The following LRP4 variants were observed in gnomAD, a reference collection of about 807,000 sequenced individuals.
LRP4 encodes the protein LDL receptor related protein 4, also known as low-density lipoprotein receptor-related protein 4.
A neutral mutation model predicts 220.3 loss-of-function variants in LRP4; 95 were observed. The observed-to-expected ratio is 0.43, with a 90% CI of 0.37 to 0.51. LRP4 has a LOEUF of 0.51. Ranked by LOEUF, LRP4 falls within the 20% of genes least tolerant of loss-of-function variation. The pLI, the probability that LRP4 is intolerant of heterozygous loss-of-function variation, is 0.00. For synonymous variants in LRP4, 903 were observed against 954.6 expected, an observed-to-expected ratio of 0.95 and a Z score of 1.00; for missense variants, 1,925 against 2,567.0, an observed-to-expected ratio of 0.75 and a Z score of 5.40.
intron 25 of LRP4, among the ~76,000 whole-genome samples, chr11:46,876,189 G>A (rs1165932956): frequency 6.6e-6 from 1 of 152,172 alleles, no homozygotes; most frequent in East Asian, 1.9e-4. Context: ...AATAGGTAAG[G>A]AAGCTGAGAA....
intron 13 of LRP4, among the ~76,000 whole-genome samples, chr11:46,891,511 T>C (rs1941424650): frequency 6.6e-6 from 1 of 151,984 alleles, no homozygotes; most frequent in Admixed American, 6.6e-5. Context: ...AGTTGATACA[T>C]ACTGTAGGAC....
Position 46,890,194 on chromosome 11 carries a change from A to C in LRP4, c.1916-74T>G. 1.2e-6 allele frequency: 2 copies of C among 1,607,164 alleles called. No homozygotes were observed. The highest frequency in any genetic ancestry group is 1.7e-6 in the Non-Finnish European group (2 of 1,173,982). On this transcript the variant is annotated intron_variant, in intron 14 of 37. Coordinates refer to ENST00000378623, the MANE Select transcript of LRP4 (RefSeq NM_002334.4). This position sits in a 1 kb window ranked among gnomAD's most constrained non-coding sequence, Gnocchi z 5.3. ...CCCTGGGCCCAGGCCTGGCAACTACACAAAACCTCTACCAAGGCTCCTGGG... is the reference window on the plus strand; with the variant it reads ...CCCTGGGCCCAGGCCTGGCAACTACCCAAAACCTCTACCAAGGCTCCTGGG...
chr11:46,860,053 G>A (rs1448067937), intron 37 of LRP4, among the ~76,000 whole-genome samples: 1 of 151,730 alleles, frequency 6.6e-6, no homozygotes, highest in African/African-American at 2.4e-5. Context: ...TGGCCAACAT[G>A]GTGAAACCCC....
rs770865989 is a variant in LRP4 at position 46,896,016 on chromosome 11, G to T, written c.1051C>A (p.Pro351Thr). 6.2e-7 allele frequency: 1 copy of T among 1,613,906 alleles called. No homozygotes were observed. Among genetic ancestry groups the T allele is most frequent in the Non-Finnish European group, 8.5e-7 (1 of 1,180,040 alleles). Residue 351 changes from proline to threonine, a missense_variant and splice_region_variant, in exon 10 of 38, where the codon CCC becomes ACC. Coordinates refer to ENST00000378623, the MANE Select transcript of LRP4 (RefSeq NM_002334.4). ...TTGCAGTTCTCCTCACCCGTCCGGG[G>T]CCCTGTGCCAGCCAAGCCAGAGTTG... The part of the protein sequence containing the change: ...SDESPQQNCR[P>T]RTGEENCNVN...
intron 1 of LRP4, among the ~76,000 whole-genome samples, chr11:46,911,034 C>G (rs1362115407): frequency 6.6e-6 from 1 of 152,068 alleles, no homozygotes; most frequent in Non-Finnish European, 1.5e-5. Flanking sequence ...GAGAGAGAAT[C>G]CAGAAACTAA....
At position 46,859,204 on chromosome 11, in the gene LRP4, G is replaced by A. The variant is rs1393617361; in HGVS notation, c.5497C>T (p.Arg1833Trp). The A allele has an allele frequency of 3.7e-6, 6 of 1,614,092 alleles. No homozygotes were observed. The highest frequency in any genetic ancestry group is 4.2e-6 in the Non-Finnish European group (5 of 1,179,998). The change falls in exon 38 of 38, where the codon CGG becomes TGG. Residue 1833 changes from arginine to tryptophan, a missense_variant. By Grantham distance (101) the Arg-to-Trp change is moderately radical. Transcript: ENST00000378623. ...ACATGATCCCGGAGGAGGCCCCCCCGTGAGCTTCGCAGTTGCTTGAGGTCA... is the reference window on the plus strand; with the variant it reads ...ACATGATCCCGGAGGAGGCCCCCCCATGAGCTTCGCAGTTGCTTGAGGTCA... ...WDDLKQLRSS[R>W]GGLLRDHVCM...
rs779649263 is a variant in LRP4, at chr11:46,889,441, G to A, written c.2185C>T (p.Arg729Cys). ...GCACAGGCGTGGCTGCTGATCTTGC[G>A]GAAGCCAGTGGGGCAGGCACAGGTG... ...NYTCACPTGF[R>C]KISSHACAQS... is the part of the protein sequence containing the mutation. The change falls in exon 16 of 38, where the codon CGC becomes TGC. Residue 729 changes from arginine (R) to cysteine (C), a missense_variant. This residue lies in a region of LRP4 where 1,244 missense variants were observed against 1,624.9 expected (regional missense o/e 0.77). Transcript: ENST00000378623. The A allele has an allele frequency of 7.1e-5, 114 of 1,613,992 alleles. No homozygotes were observed. Among genetic ancestry groups the A allele is most frequent in the Middle Eastern group, 1.6e-4 (1 of 6,084 alleles).
chr11:46,895,950 G>A lies in LRP4; in HGVS notation c.1117C>T (p.Arg373Trp), dbSNP rs118009068. 0.021 allele frequency: 34,574 copies of A among 1,613,888 alleles called. 427 individuals carry two copies. The highest frequency in any genetic ancestry group is 0.025 in the Middle Eastern group (154 of 6,062). ...TGGCAGGTACACTGCACTGCCCCCC[G>A]CACCATCTGGCACTTCTGGGCACAG... ...GGCAQKCQMVRGAVQCTCHTG... is the reference protein window; with the variant it reads ...GGCAQKCQMVWGAVQCTCHTG... The change falls in exon 10 of 38, where the codon CGG becomes TGG. Residue 373 changes from arginine (R) to tryptophan (W), a missense_variant. By Grantham distance (101) the Arg-to-Trp change is moderately radical (BLOSUM62 -3). Coordinates refer to ENST00000378623, the MANE Select transcript of LRP4 (RefSeq NM_002334.4).
intron 37 of LRP4, among the ~76,000 whole-genome samples, chr11:46,860,446 T>C (rs1940516681): frequency 6.6e-6 from 1 of 152,088 alleles, no homozygotes; most frequent in African/African-American, 2.4e-5. Flanking sequence ...CCTCTCCCTT[T>C]ATGGCTTCTT....
At chr11:46,912,464 TGTTTAAACTGCCC>T (rs1240343539) in intron 1 of LRP4, among the ~76,000 whole-genome samples, 4 of 152,226 alleles carry the variant, frequency 2.6e-5, no homozygotes, top group Non-Finnish European at 5.9e-5. Flanking sequence ...TGAAACTTAT[TGTTTAAACTGCCC>T]GTGGAAGGAG....
chr11:46,860,840 C>CACGCTG (rs887348488), intron 37 of LRP4: 5 of 323,982 alleles, frequency 1.5e-5, no homozygotes, highest in South Asian at 2.5e-4. Context: ...AATTAAGAGA[C>CACGCTG]ACGCTGGGTA....
intron 34 of LRP4, among the ~76,000 whole-genome samples, chr11:46,866,012 A>G (rs1049289873): frequency 6.6e-6 from 1 of 152,142 alleles, no homozygotes; most frequent in African/African-American, 2.4e-5. Context: ...AACTTTAGGG[A>G]CATTGAGTCT....
In LRP4 at chr11:46,858,864, G is replaced by A; in HGVS notation, c.*119C>T. 3 of 936,450 alleles carry A rather than the reference G, an allele frequency of 3.2e-6. No individual in the cohort carries two copies. Among genetic ancestry groups the A allele is most frequent in the Non-Finnish European group, 3.5e-6 (2 of 574,846 alleles). 58.0% of individuals were successfully genotyped at this position (936,450 alleles called of 1,614,324 possible). On this transcript the variant is annotated 3_prime_UTR_variant, in exon 38 of 38. Coordinates refer to ENST00000378623, the MANE Select transcript of LRP4 (RefSeq NM_002334.4). ...CCGGTGAAGGCTTAGGAACAGTTAT[G>A]GGGTGGGAGGAGGAGGAGGACAAGC...
intron 2 of LRP4, among the ~76,000 whole-genome samples, chr11:46,902,141 T>C (rs1160781805): frequency 1.3e-5 from 2 of 151,818 alleles, no homozygotes; most frequent in Admixed American, 6.6e-5. Context: ...CTGGATCACT[T>C]GAAGTCATGA....
At chr11:46,904,498 TGGACGGACAGACGGATGGA>T (rs2134873286) in intron 1 of LRP4, among the ~76,000 whole-genome samples, 2 of 108,626 alleles carry the variant, frequency 1.8e-5, no homozygotes, top group East Asian at 3.0e-3. Context: ...GATGGATGGA[TGGACGGACAGACGGATGGA>T]TGGATGGATG....
At chr11:46,894,567 TC>T (rs1941484577) in intron 12 of LRP4, 21 bp downstream of exon 12, 1 of 1,561,554 alleles carries the variant, frequency 6.4e-7, no homozygotes, top group African/African-American at 1.4e-5. Context: ...TCTGCCCCTC[TC>T]CATGGGGCCT....
At chr11:46,888,422 G>A (rs140288279) in intron 16 of LRP4, among the ~76,000 whole-genome samples, 3,027 of 151,458 alleles carry the variant, frequency 0.02, 104 homozygotes, top group African/African-American at 0.07. Context: ...GTGTGGTGGC[G>A]CATGCTTGTA....
chr11:46,865,207 G>C, intron 34 of LRP4, 21 bp from the exon 35 acceptor site: 1 of 1,536,064 alleles, frequency 6.5e-7, no homozygotes, highest in Middle Eastern at 1.7e-4. Context: ...CAGAAAACTG[G>C]ATGTGAAGCC....
At chr11:46,874,557 A>C (rs1482329751) in intron 28 of LRP4, among the ~76,000 whole-genome samples, 1 of 152,146 alleles carries the variant, frequency 6.6e-6, no homozygotes, top group Non-Finnish European at 1.5e-5. Flanking sequence ...AGGTCCCCTG[A>C]CTTTACCTGT....
Sources: allele counts gnomAD v4.1 joint callset (sites outside exome capture counted in the v4.1 genomes callset), GRCh38; gene constraint gnomAD v4.1.1; regional missense constraint gnomAD v4.1.1; non-coding constraint Gnocchi (gnomAD v3.1); transcripts MANE v1.5; gene names NCBI Gene and HGNC (gene_info 2026-07-23, HGNC 2026-07-21).